Variants in TRDN observed in about 807,000 individuals in gnomAD.
TRDN encodes triadin in skeletal muscle.
A neutral mutation model predicts 149.7 loss-of-function variants in TRDN; 161 were observed. The observed-to-expected ratio is 1.08, with a 90% CI of 0.95 to 1.23. The LOEUF (loss-of-function observed/expected upper bound fraction) is 1.23. Among genes scored for constraint, TRDN ranks in the 50% most tolerant of loss-of-function variants. The pLI is 0.00. For synonymous variants in TRDN, 294 were observed against 250.5 expected, an observed-to-expected ratio of 1.17 and a Z score of -1.64; for missense variants, 896 against 823.5, an observed-to-expected ratio of 1.09 and a Z score of -1.08.
At chr6:123,458,270 C>T (rs1405295375) in intron 10 of TRDN, among the ~76,000 whole-genome samples, 1 of 152,140 alleles carries the variant, frequency 6.6e-6, no homozygotes, top group Non-Finnish European at 1.5e-5. Context: ...TAATTTTATG[C>T]ATCAATTCGG....
chr6:123,390,655 T>C (rs74522180), intron 13 of TRDN, among the ~76,000 whole-genome samples: 246 of 152,222 alleles, frequency 1.6e-3, no homozygotes, highest in African/African-American at 5.6e-3. Context: ...GGGATTCAAT[T>C]GTTTCTAGAA....
intron 27 of TRDN, among the ~76,000 whole-genome samples, chr6:123,274,068 G>T (rs925775920): frequency 1.3e-5 from 2 of 152,014 alleles, no homozygotes; most frequent in Non-Finnish European, 2.9e-5. Flanking sequence ...GAAAATCCTG[G>T]AATAATAACT....
intron 38 of TRDN, among the ~76,000 whole-genome samples, chr6:123,231,329 G>A (rs1296677287): frequency 6.6e-6 from 1 of 152,000 alleles, no homozygotes; most frequent in Non-Finnish European, 1.5e-5. Context: ...AGATTGAAAT[G>A]GTCAATTCCT....
At chr6:123,552,533 G>C (rs1173599237) in intron 2 of TRDN, among the ~76,000 whole-genome samples, 1 of 152,106 alleles carries the variant, frequency 6.6e-6, no homozygotes, top group Non-Finnish European at 1.5e-5. Flanking sequence ...TCTGAGTTCA[G>C]ACTGATAGCA....
chr6:123,505,247 A>C (rs1778871037), intron 7 of TRDN, among the ~76,000 whole-genome samples: 1 of 11,932 alleles, frequency 8.4e-5, no homozygotes, highest in African/African-American at 1.8e-4. Flanking sequence ...TCTGTCTCAA[A>C]AAAAAAAAAA....
At chr6:123,283,557 T>A (rs1362906092) in intron 24 of TRDN, among the ~76,000 whole-genome samples, 1 of 151,056 alleles carries the variant, frequency 6.6e-6, no homozygotes, top group Non-Finnish European at 1.5e-5. Flanking sequence ...ATAAATAAGA[T>A]TAACCAAGGA....
At chr6:123,300,726 T>C (rs1444447612) in intron 24 of TRDN, among the ~76,000 whole-genome samples, 1 of 152,020 alleles carries the variant, frequency 6.6e-6, no homozygotes, top group Non-Finnish European at 1.5e-5. Context: ...TGGCCAATAA[T>C]AGTGTTCTAT....
At chr6:123,550,354 G>A (rs2114445625) in intron 2 of TRDN, among the ~76,000 whole-genome samples, 1 of 152,124 alleles carries the variant, frequency 6.6e-6, no homozygotes, top group Non-Finnish European at 1.5e-5. Context: ...CAGATATCAG[G>A]TTAATACATT....
chr6:123,573,174 A>G (rs1782666239), intron 1 of TRDN, among the ~76,000 whole-genome samples: 1 of 152,064 alleles, frequency 6.6e-6, no homozygotes, highest in Admixed American at 6.6e-5. Flanking sequence ...TCTCTGCATT[A>G]CCCAAATGGC....
intron 23 of TRDN, among the ~76,000 whole-genome samples, chr6:123,330,716 G>A (rs750278010): frequency 2.0e-5 from 3 of 151,970 alleles, no homozygotes; most frequent in Non-Finnish European, 4.4e-5. Flanking sequence ...TAACAATTAT[G>A]TTTATTTTAA....
At chr6:123,439,986 T>C (rs1481881660) in intron 10 of TRDN, among the ~76,000 whole-genome samples, 1 of 152,210 alleles carries the variant, frequency 6.6e-6, no homozygotes, top group African/African-American at 2.4e-5. Flanking sequence ...TACAGGTACA[T>C]TCAAAGACTT....
chr6:123,232,841 G>A (rs1414066307), intron 38 of TRDN, among the ~76,000 whole-genome samples: 1 of 151,942 alleles, frequency 6.6e-6, no homozygotes. Context: ...GTAGTGTCCA[G>A]TCTGCTCTAT....
chr6:123,583,681 GA>G (rs770942593), intron 1 of TRDN, among the ~76,000 whole-genome samples: 1 of 151,992 alleles, frequency 6.6e-6, no homozygotes, highest in Non-Finnish European at 1.5e-5. Flanking sequence ...TGACAGAAGG[GA>G]AAAAATGACT....
At chr6:123,556,415 A>G (rs1044742753) in intron 2 of TRDN, among the ~76,000 whole-genome samples, 2 of 152,174 alleles carry the variant, frequency 1.3e-5, no homozygotes, top group Non-Finnish European at 1.5e-5. Context: ...CTTTAGCTCA[A>G]TGAACACTCC....
intron 14 of TRDN, among the ~76,000 whole-genome samples, chr6:123,382,543 A>T (rs1781760051): frequency 6.6e-6 from 1 of 151,944 alleles, no homozygotes. Context: ...TCATGAAGTT[A>T]ACTTGAAACT....
chr6:123,554,674 A>G (rs555452150), intron 2 of TRDN, among the ~76,000 whole-genome samples: 1 of 152,272 alleles, frequency 6.6e-6, no homozygotes, highest in East Asian at 1.9e-4. Flanking sequence ...GCCAAATGAA[A>G]CTTCAGATGT....
chr6:123,285,076 T>C, intron 24 of TRDN, among the ~76,000 whole-genome samples: 1 of 151,482 alleles, frequency 6.6e-6, no homozygotes. Flanking sequence ...ATTGTGAAAA[T>C]GACCAGGGTA....
intron 38 of TRDN, among the ~76,000 whole-genome samples, chr6:123,242,603 C>T (rs964910899): frequency 2.0e-5 from 3 of 152,094 alleles, no homozygotes; most frequent in Admixed American, 6.6e-5. Context: ...AGTAGATAGT[C>T]AGACTTTGAA....
chr6:123,258,439 A>T (rs1387393753), intron 35 of TRDN, among the ~76,000 whole-genome samples: 1 of 152,096 alleles, frequency 6.6e-6, no homozygotes, highest in African/African-American at 2.4e-5. Flanking sequence ...GATTACATTT[A>T]TTGATATGTG....
Sources: gnomAD v4.1 joint callset for allele counts (sites outside exome capture counted in the v4.1 genomes callset) on GRCh38, gnomAD v4.1.1 for gene constraint, MANE v1.5 for transcripts, NCBI Gene and HGNC (gene_info 2026-07-23, HGNC 2026-07-21) for gene names.